The following PCDHGB4 variants were observed in gnomAD, a reference collection of about 807,000 sequenced individuals.
PCDHGB4 encodes the protein protocadherin gamma subfamily B, 4.
Under a neutral mutation model 60.5 loss-of-function variants are expected in PCDHGB4, and 38 were observed. The observed-to-expected ratio is 0.63, with a 90% CI of 0.48 to 0.82. The LOEUF (loss-of-function observed/expected upper bound fraction) is 0.82. Among genes scored for constraint, PCDHGB4 ranks in the 40% least tolerant of loss-of-function variants. The pLI is 0.00. For synonymous variants in PCDHGB4, 456 were observed against 509.7 expected (o/e 0.89, Z 1.42); for missense variants, 1,109 against 1,209.6 (o/e 0.92, Z 1.23).
chr5:141,427,087 A>T, intron 1 of PCDHGB4: 1 of 458,198 alleles, frequency 2.2e-6, no homozygotes, highest in Non-Finnish European at 4.4e-6. Flanking sequence ...ACTGACCAGG[A>T]TGAGGGTGTC....
intron 1 of PCDHGB4, among the ~76,000 whole-genome samples, chr5:141,457,665 G>A (rs2098927092): frequency 6.6e-6 from 1 of 152,330 alleles, no homozygotes; most frequent in Non-Finnish European, 1.5e-5. Flanking sequence ...AGCAAGAATG[G>A]TTATTTCTAC....
chr5:141,488,210 A>G (rs2099673009), intron 1 of PCDHGB4, among the ~76,000 whole-genome samples: 1 of 152,192 alleles, frequency 6.6e-6, no homozygotes, highest in Admixed American at 6.5e-5. Context: ...ACTCATATCA[A>G]GTCCCTACTG....
At chr5:141,426,374 C>G (rs908991939) in intron 1 of PCDHGB4, 2 of 219,094 alleles carry the variant, frequency 9.1e-6, no homozygotes, top group East Asian at 1.0e-4. Flanking sequence ...GGGGCACCCT[C>G]GGAGCAGATC....
chr5:141,496,192 C>T (rs942276204), intron 2 of PCDHGB4, among the ~76,000 whole-genome samples: 1 of 152,098 alleles, frequency 6.6e-6, no homozygotes, highest in Non-Finnish European at 1.5e-5. Flanking sequence ...CCCAGCTGCT[C>T]ATTTCAATCT....
chr5:141,472,268 A>G (rs399559), intron 1 of PCDHGB4, among the ~76,000 whole-genome samples: 152,324 of 152,332 alleles, frequency 1, 76,158 homozygotes, highest in Middle Eastern at 1. Flanking sequence ...ATAGCCGGGC[A>G]CAGTGGCTCA....
At chr5:141,404,888 G>A (rs778498828) in intron 1 of PCDHGB4, 9 of 1,613,762 alleles carry the variant, frequency 5.6e-6, no homozygotes, top group East Asian at 2.2e-5. Context: ...TGTGGTGGCT[G>A]TACAGGACCA....
intron 1 of PCDHGB4, chr5:141,403,779 A>G: frequency 6.2e-7 from 1 of 1,613,970 alleles, no homozygotes; most frequent in Non-Finnish European, 8.5e-7. Context: ...ATCAACGGAA[A>G]AGTGGCATAC....
rs1431906047 is a variant in PCDHGB4, at chr5:141,485,858, C to T, written c.2398-8949C>T. On this transcript the variant is annotated intron_variant, in intron 1 of 3. Transcript: ENST00000519479. This position sits in a 1 kb window ranked among gnomAD's most constrained non-coding sequence, Gnocchi z 5.7. ...GCCGAGATCTGGCACCGCAGAGCTC[C>T]GGGTATCCGTGCTGGACGTAAACGA... The T allele has an allele frequency of 1.9e-6, 3 of 1,614,162 alleles. No individual in the cohort carries two copies. The highest frequency in any genetic ancestry group is 2.5e-6 in the Non-Finnish European group (3 of 1,180,028).
chr5:141,443,029 C>A (rs1281303741), intron 1 of PCDHGB4, among the ~76,000 whole-genome samples: 1 of 152,192 alleles, frequency 6.6e-6, no homozygotes, highest in Admixed American at 6.5e-5. Flanking sequence ...AGTTGCCAGA[C>A]CTAAACTTTG....
chr5:141,468,820 C>G (rs1055751689), intron 1 of PCDHGB4, among the ~76,000 whole-genome samples: 1 of 151,830 alleles, frequency 6.6e-6, no homozygotes, highest in Non-Finnish European at 1.5e-5. Context: ...GAGCCAAGAT[C>G]AAGCCACTGC....
chr5:141,484,647 G>C (rs556711906), intron 1 of PCDHGB4, among the ~76,000 whole-genome samples: 1 of 151,948 alleles, frequency 6.6e-6, no homozygotes, highest in African/African-American at 2.4e-5. Context: ...CTCTCCAATG[G>C]CTACTCTCCC....
chr5:141,436,207 A>T (rs544201723), intron 1 of PCDHGB4, among the ~76,000 whole-genome samples: 1 of 152,142 alleles, frequency 6.6e-6, no homozygotes, highest in Admixed American at 6.5e-5. Context: ...ACATAATAGG[A>T]AAACAAATGA....
intron 1 of PCDHGB4, among the ~76,000 whole-genome samples, chr5:141,447,632 T>G (rs931349669): frequency 9.2e-5 from 14 of 152,160 alleles, no homozygotes; most frequent in Non-Finnish European, 2.1e-4. Flanking sequence ...ACCAACAGTA[T>G]GAATGATGGT....
intron 1 of PCDHGB4, chr5:141,410,614 G>A: frequency 6.2e-7 from 1 of 1,604,858 alleles, no homozygotes; most frequent in South Asian, 1.1e-5. Flanking sequence ...CTGAGACTCT[G>A]ACTTCGGTGA....
At chr5:141,428,147 G>C (rs771536400) in intron 1 of PCDHGB4, 1 of 1,589,612 alleles carries the variant, frequency 6.3e-7, no homozygotes, top group Admixed American at 1.7e-5. Flanking sequence ...GGCTGCACAC[G>C]GGAACCTGCT....
chr5:141,400,128 G>T, intron 1 of PCDHGB4: 1 of 1,614,080 alleles, frequency 6.2e-7, no homozygotes, highest in Non-Finnish European at 8.5e-7. Context: ...TGCAGGAGGT[G>T]CTGCCGGATA....
At chr5:141,473,635 C>A (rs945632106) in intron 1 of PCDHGB4, among the ~76,000 whole-genome samples, 1 of 152,128 alleles carries the variant, frequency 6.6e-6, no homozygotes, top group African/African-American at 2.4e-5. Flanking sequence ...AGCAGCTTTC[C>A]TGGCAAAGGA....
In PCDHGB4 at chr5:141,443,329, A is replaced by AC. The variant is rs58846402; in HGVS notation, c.2398-51477dup. 1.9e-4 allele frequency among the ~76,000 whole-genome samples: 29 copies of AC among 151,590 alleles called. No individual in the cohort carries two copies. In the East Asian group the frequency reaches 4.3e-3, roughly 22 times the overall value. ...AAACCCATCTCTACAAAAAAAAAAA[A>AC]CAAAAATTAACAAGGTTTAGTGGTC... On this transcript the variant is annotated intron_variant, in intron 1 of 3. Coordinates refer to ENST00000519479, the MANE Select transcript of PCDHGB4 (RefSeq NM_003736.4).
chr5:141,434,566 G>A (rs1280487112), intron 1 of PCDHGB4, among the ~76,000 whole-genome samples: 1 of 152,196 alleles, frequency 6.6e-6, no homozygotes, highest in African/African-American at 2.4e-5. Flanking sequence ...TTAAGGACAT[G>A]CCCCTGCTGC....
Sources: allele counts gnomAD v4.1 joint callset (sites outside exome capture counted in the v4.1 genomes callset), GRCh38; gene constraint gnomAD v4.1.1; non-coding constraint Gnocchi (gnomAD v3.1); transcripts MANE v1.5; gene names NCBI Gene and HGNC (gene_info 2026-07-23, HGNC 2026-07-21).